The following RAB6B variants were observed in gnomAD, a reference collection of about 807,000 sequenced individuals.
RAB6B encodes RAB6B, member RAS oncogene family, also known as ras-related protein Rab-6B.
A neutral mutation model predicts 31.2 loss-of-function variants in RAB6B; 7 were observed. The ratio of observed to expected loss-of-function variants is 0.22; its 90% CI spans 0.13 to 0.42. The LOEUF is 0.42. Among genes scored for constraint, RAB6B ranks in the 10% least tolerant of loss-of-function variants. The pLI, the probability that RAB6B is intolerant of heterozygous loss-of-function variation, is 1.00. For synonymous variants in RAB6B, 105 were observed against 104.9 expected (o/e 1.00, Z -0.01); for missense variants, 149 against 280.6 (o/e 0.53, Z 3.35).
chr3:133,890,466 G>A (rs372866469), intron 1 of RAB6B, among the ~76,000 whole-genome samples: 152 of 152,082 alleles, frequency 1.0e-3, no homozygotes, highest in Admixed American at 2.0e-3. Context: ...TTAGCCGGGC[G>A]TATTGGTGTG....
chr3:133,850,557 T>A (rs1375257099), intron 2 of RAB6B, among the ~76,000 whole-genome samples: 1 of 151,854 alleles, frequency 6.6e-6, no homozygotes, highest in East Asian at 1.9e-4. Flanking sequence ...AACAACAGAT[T>A]CAAAAAGAGA....
chr3:133,895,289 G>C (rs1287190734), intron 1 of RAB6B, 108 bp downstream of exon 1: 5 of 1,197,332 alleles, frequency 4.2e-6, no homozygotes, highest in Non-Finnish European at 6.0e-6. Context: ...CCTCTACCCT[G>C]GCAAGGAGGG....
chr3:133,882,647 C>A lies in RAB6B; in HGVS notation c.70+12750G>T, dbSNP rs560910293. On this transcript the variant is annotated intron_variant, in intron 1 of 7. Transcript: ENST00000285208. Reference sequence around the variant, plus strand: ...CTTCACTGGGCATCTGCATGCTGCTCTATCCAGTTCTCCCACATCACACCC... The same window carrying A: ...CTTCACTGGGCATCTGCATGCTGCTATATCCAGTTCTCCCACATCACACCC... 2.9e-4 allele frequency among the ~76,000 whole-genome samples: 44 copies of A among 152,338 alleles called. No homozygotes were observed. In the South Asian group the frequency reaches 9.1e-3, roughly 32 times the overall value.
chr3:133,879,058 GT>G (rs1474308955), intron 1 of RAB6B, among the ~76,000 whole-genome samples: 1 of 152,140 alleles, frequency 6.6e-6, no homozygotes, highest in East Asian at 1.9e-4. Flanking sequence ...TCTTGGGTTA[GT>G]TCCTATTCTC....
intron 2 of RAB6B, among the ~76,000 whole-genome samples, chr3:133,854,024 A>G (rs187123943): frequency 2.6e-5 from 4 of 152,342 alleles, no homozygotes; most frequent in Admixed American, 2.6e-4. Context: ...GAAAGGCTAC[A>G]TATTCTAGCC....
intron 2 of RAB6B, among the ~76,000 whole-genome samples, chr3:133,843,051 C>T (rs184703158): frequency 1.5e-4 from 23 of 152,364 alleles, no homozygotes; most frequent in Admixed American, 9.8e-4. Flanking sequence ...CATGTTTACA[C>T]AGTCACACTC....
At chr3:133,880,528 C>T (rs1936452225) in intron 1 of RAB6B, among the ~76,000 whole-genome samples, 1 of 152,210 alleles carries the variant, frequency 6.6e-6, no homozygotes, top group South Asian at 2.1e-4. Flanking sequence ...AAGGCATCAT[C>T]CCGGATGCCT....
At chr3:133,891,540 T>A (rs1045122516) in intron 1 of RAB6B, among the ~76,000 whole-genome samples, 1 of 152,216 alleles carries the variant, frequency 6.6e-6, no homozygotes, top group Non-Finnish European at 1.5e-5. Context: ...TCTCTCATCA[T>A]GGCTCTCATA....
chr3:133,853,323 G>A (rs1936028281), intron 2 of RAB6B, among the ~76,000 whole-genome samples: 1 of 152,114 alleles, frequency 6.6e-6, no homozygotes, highest in Non-Finnish European at 1.5e-5. Context: ...ATGTGTATGT[G>A]GGTATGAGAG....
At chr3:133,878,421 G>A (rs1301377441) in intron 1 of RAB6B, among the ~76,000 whole-genome samples, 1 of 152,188 alleles carries the variant, frequency 6.6e-6, no homozygotes, top group Non-Finnish European at 1.5e-5. Context: ...TGTTAACCTA[G>A]AATTCTATGT....
At chr3:133,889,620 G>A (rs1936609762) in intron 1 of RAB6B, among the ~76,000 whole-genome samples, 1 of 151,788 alleles carries the variant, frequency 6.6e-6, no homozygotes, top group South Asian at 2.1e-4. Context: ...CTTCTTAGTA[G>A]AGACAGGATT....
chr3:133,891,487 C>T (rs749742041), intron 1 of RAB6B, among the ~76,000 whole-genome samples: 16 of 152,170 alleles, frequency 1.1e-4, no homozygotes, highest in Admixed American at 2.0e-4. Flanking sequence ...CCCCCAGAGG[C>T]GGGTCAGGCG....
chr3:133,880,329 G>T (rs867414637), intron 1 of RAB6B, among the ~76,000 whole-genome samples: 7 of 152,250 alleles, frequency 4.6e-5, no homozygotes, highest in Non-Finnish European at 8.8e-5. Context: ...CAGGGAGAAT[G>T]AGTAAACAGA....
chr3:133,867,952 C>T (rs1227234123), intron 1 of RAB6B, among the ~76,000 whole-genome samples: 3 of 152,162 alleles, frequency 2.0e-5, no homozygotes, highest in East Asian at 1.9e-4. Context: ...CCCATGCCCT[C>T]GTCACTTCTG....
intron 2 of RAB6B, among the ~76,000 whole-genome samples, chr3:133,848,080 C>T (rs941432271): frequency 2.6e-5 from 4 of 152,180 alleles, no homozygotes; most frequent in Non-Finnish European, 5.9e-5. Context: ...ACTACAAATC[C>T]CACTTAATTA....
At chr3:133,837,550 G>A (rs1011941036) in intron 6 of RAB6B, among the ~76,000 whole-genome samples, 5 of 152,152 alleles carry the variant, frequency 3.3e-5, no homozygotes, top group African/African-American at 1.2e-4. Flanking sequence ...TCAGTGCTAC[G>A]GACGGGTCAG....
intron 1 of RAB6B, 22 bp from the exon 2 acceptor site, chr3:133,864,664 G>C: frequency 1.2e-6 from 2 of 1,609,256 alleles, no homozygotes; most frequent in Non-Finnish European, 1.7e-6. Flanking sequence ...CAAGGAGAGA[G>C]GTGTTCAGTC....
intron 2 of RAB6B, among the ~76,000 whole-genome samples, chr3:133,853,393 C>T (rs1053900009): frequency 6.6e-6 from 1 of 151,904 alleles, no homozygotes; most frequent in African/African-American, 2.4e-5. Context: ...CCATGATATG[C>T]ACATAGCCCA....
rs149926565 is a variant in RAB6B, at chr3:133,841,737, G to A, written c.130-74C>T. On this transcript the variant is annotated intron_variant, in intron 2 of 7. Coordinates refer to ENST00000285208, the MANE Select transcript of RAB6B (RefSeq NM_016577.4). ...AGGGGCAAAAGCCTAGCGACCACAGGTGGTGGCATAACCAGCAAGAGGGGA... is the reference window on the plus strand; with the variant it reads ...AGGGGCAAAAGCCTAGCGACCACAGATGGTGGCATAACCAGCAAGAGGGGA... 2,824 of 1,496,864 alleles carry A rather than the reference G, an allele frequency of 1.9e-3. 40 individuals carry two copies. The East Asian group carries it at 0.033, about 18-fold the overall frequency. 92.7% of individuals were successfully genotyped at this position (1,496,864 alleles called of 1,614,324 possible). A position where few individuals can be genotyped will look rare whatever the true frequency, so the allele number is the denominator to read the frequency against.
Sources: allele counts gnomAD v4.1 joint callset (sites outside exome capture counted in the v4.1 genomes callset), GRCh38; gene constraint gnomAD v4.1.1; transcripts MANE v1.5; gene names NCBI Gene and HGNC (gene_info 2026-07-23, HGNC 2026-07-21).